The following DNAH2 variants were observed in gnomAD, a reference collection of about 807,000 sequenced individuals.
The protein encoded by DNAH2 is axonemal beta dynein heavy chain 2.
A neutral mutation model predicts 523.5 loss-of-function variants in DNAH2; 323 were observed. That is an observed-to-expected ratio of 0.62 (90% confidence interval 0.56 to 0.68). The LOEUF is 0.68. Among genes scored for constraint, DNAH2 ranks in the 30% least tolerant of loss-of-function variants. The pLI is 0.00. For missense variants in DNAH2, 4,907 were observed against 5,701.5 expected (o/e 0.86, Z 4.49); for synonymous variants, 2,093 against 2,177.4 (o/e 0.96, Z 1.08).
At chr17:7,758,236 T>C (rs2075898928) in intron 13 of DNAH2, among the ~76,000 whole-genome samples, 1 of 152,220 alleles carries the variant, frequency 6.6e-6, no homozygotes, top group Non-Finnish European at 1.5e-5. Flanking sequence ...GGGTGCTATA[T>C]TGGACAGCAC....
At chr17:7,810,770 C>A (rs753727121) in intron 63 of DNAH2, among the ~76,000 whole-genome samples, 236 of 152,354 alleles carry the variant, frequency 1.5e-3, no homozygotes, top group Non-Finnish European at 2.9e-3. Flanking sequence ...GAATCCCTGG[C>A]AGAGCCTAAG....
At chr17:7,830,247 G>C in intron 77 of DNAH2, 53 bp from the exon 78 acceptor site, 1 of 1,541,434 alleles carries the variant, frequency 6.5e-7, no homozygotes, top group Non-Finnish European at 8.8e-7. Context: ...AGTGCTAGTG[G>C]CAGGTCTGAG....
rs375186895 is a variant in DNAH2, at chr17:7,786,346, C to G, written c.6348+4C>G. ...CCCTAACTTCAACATTGTTAGAGTACGGGGCTGGGACAGTGGAGTCAGTGG... is the reference window on the plus strand; with the variant it reads ...CCCTAACTTCAACATTGTTAGAGTAGGGGGCTGGGACAGTGGAGTCAGTGG... On this transcript the variant is annotated splice_donor_region_variant and intron_variant, in intron 40 of 85. Transcript: ENST00000572933. The surrounding 1 kb of genome is among the most constrained non-coding windows in gnomAD (Gnocchi z 7.5). The G allele has an allele frequency of 6.2e-7, 1 of 1,610,430 alleles. No homozygotes were observed. Among genetic ancestry groups the G allele is most frequent in the South Asian group, 1.1e-5 (1 of 91,020 alleles).
intron 77 of DNAH2, among the ~76,000 whole-genome samples, chr17:7,827,193 CTT>C (rs1198803667): frequency 1.3e-5 from 2 of 151,880 alleles, no homozygotes; most frequent in East Asian, 3.8e-4. Flanking sequence ...TGGTTTGTCT[CTT>C]CTCTTTTATG....
intron 63 of DNAH2, 22 bp from the exon 64 acceptor site, chr17:7,816,549 G>C (rs200311475): frequency 1.2e-6 from 2 of 1,613,846 alleles, no homozygotes; most frequent in Non-Finnish European, 1.7e-6. Context: ...TGTTTGATGC[G>C]CTATACTCGA....
chr17:7,833,089 G>A lies in DNAH2; in HGVS notation c.12997G>A (p.Gly4333Ser), dbSNP rs1457179014. ...YPPKDGVWVR[G>S]LYLEGAGWDR... The stretch of plus-strand genomic sequence containing the variant: ...TCCCCAGGATGGTGTCTGGGTCCGG[G>A]GCCTGTACCTGGAAGGTGCTGGCTG... The change falls in exon 85 of 86, where the codon GGC (glycine) becomes AGC (serine). Residue 4333 changes from glycine to serine, a missense_variant. Gly to Ser is a moderately conservative substitution (Grantham distance 56). Around this residue, in one of 3 missense-constraint regions of DNAH2, gnomAD observed 1,851 missense variants for 2,139.4 expected, o/e 0.87. Coordinates refer to ENST00000572933, the MANE Select transcript of DNAH2 (RefSeq NM_020877.5). 3.1e-6 allele frequency: 5 copies of A among 1,613,388 alleles called. No individual in the cohort carries two copies. The Admixed American group carries it at 8.3e-5, about 27-fold the overall frequency.
At chr17:7,740,277 T>C (rs1365569944) in intron 9 of DNAH2, 143 bp from the exon 10 acceptor site, 5 of 1,270,740 alleles carry the variant, frequency 3.9e-6, no homozygotes, top group Non-Finnish European at 4.4e-6. Context: ...GAGGATTAAA[T>C]GGATTCATGT....
intron 77 of DNAH2, among the ~76,000 whole-genome samples, chr17:7,826,571 A>G (rs8071869): frequency 0.92 from 130,605 of 141,850 alleles, 60,706 homozygotes; most frequent in Non-Finnish European, 1. Flanking sequence ...ATGGAGCCTC[A>G]CTCTGTCGCC....
rs2077926914 is a variant in DNAH2, at chr17:7,823,571, C to T, written c.11272C>T (p.Pro3758Ser). ...ACTCATGAACTCCTTTGAGCAGTAC[C>T]CTCGTGACTGGCACCTGTGGTATAC... The part of the protein sequence containing the change: ...HGLMNSFEQY[P>S]RDWHLWYTNA... The change falls in exon 74 of 86, where the codon CCT (proline) becomes TCT (serine). Residue 3758 changes from proline to serine, a missense_variant. Around this residue, in one of 3 missense-constraint regions of DNAH2, gnomAD observed 1,851 missense variants for 2,139.4 expected, o/e 0.87. Coordinates refer to ENST00000572933, the MANE Select transcript of DNAH2 (RefSeq NM_020877.5). 6.2e-7 allele frequency: 1 copy of T among 1,614,000 alleles called. No homozygotes were observed. The highest frequency in any genetic ancestry group is 8.5e-7 in the Non-Finnish European group (1 of 1,180,036).
At chr17:7,813,209 ACGTGCTTATGC>A (rs1437264731) in intron 63 of DNAH2, among the ~76,000 whole-genome samples, 1 of 151,988 alleles carries the variant, frequency 6.6e-6, no homozygotes, top group African/African-American at 2.4e-5. Context: ...CAGTGTGAAG[ACGTGCTTATGC>A]CTGTATACGA....
chr17:7,739,695 A>G (rs760303177), intron 8 of DNAH2, 38 bp from the exon 9 acceptor site: 2 of 1,592,910 alleles, frequency 1.3e-6, no homozygotes, highest in South Asian at 2.2e-5. Flanking sequence ...TGGAGTTTGG[A>G]AGGAAAGCAG....
intron 39 of DNAH2, among the ~76,000 whole-genome samples, chr17:7,784,678 G>A (rs1597647876): frequency 6.6e-6 from 1 of 152,310 alleles, no homozygotes; most frequent in East Asian, 1.9e-4. Context: ...AATGTCAAAG[G>A]AAGATATTCA....
At chr17:7,743,991 T>A (rs950991157) in intron 12 of DNAH2, 5 of 152,198 alleles carry the variant, frequency 3.3e-5, no homozygotes, top group Admixed American at 2.0e-4. Context: ...GGCTGCTGCT[T>A]TCTAAGTCAA....
chr17:7,816,414 G>A (rs547796391), intron 63 of DNAH2, among the ~76,000 whole-genome samples, 157 bp from the exon 64 acceptor site: 31 of 152,294 alleles, frequency 2.0e-4, no homozygotes, highest in South Asian at 6.2e-4. Context: ...ACCCTATAGG[G>A]TAGGTATTCT....
In DNAH2 at chr17:7,781,186, T is replaced by C. The variant is rs199707888; in HGVS notation, c.6129+19T>C. On this transcript the variant is annotated intron_variant, in intron 39 of 85. Coordinates refer to ENST00000572933, the MANE Select transcript of DNAH2 (RefSeq NM_020877.5). ...TGGCAAGGTATTTGTTCCTTAATAC[T>C]CTCCCTGACCGGGTGCTGTGGCTCA... The C allele has an allele frequency of 1.7e-4, 277 of 1,614,008 alleles. 1 individual carries two copies. The highest frequency in any genetic ancestry group is 4.9e-4 in the Middle Eastern group (3 of 6,062).
At position 7,739,899 on chromosome 17, in the gene DNAH2, T is replaced by C; in HGVS notation, c.1337T>C (p.Leu446Pro). ...CTGCGAGCCGTTCGCGGGGGTATCCTGGATGTCAAGAACACCTGTTGGCAT... is the reference window on the plus strand; with the variant it reads ...CTGCGAGCCGTTCGCGGGGGTATCCCGGATGTCAAGAACACCTGTTGGCAT... Reference protein sequence around the residue: ...HTLRAVRGGILDVKNTCWHED... With the variant: ...HTLRAVRGGIPDVKNTCWHED... The change falls in exon 9 of 86, where the codon CTG (leucine) becomes CCG (proline). Residue 446 changes from leucine (L) to proline (P), a missense_variant. Leu to Pro is a moderately conservative substitution (Grantham distance 98, BLOSUM62 -3). Transcript: ENST00000572933. 1.2e-6 allele frequency: 2 copies of C among 1,614,016 alleles called. No homozygotes were observed. The highest frequency in any genetic ancestry group is 1.7e-6 in the Non-Finnish European group (2 of 1,179,952).
At chr17:7,747,783 A>AT (rs1395695354) in intron 12 of DNAH2, among the ~76,000 whole-genome samples, 2 of 152,172 alleles carry the variant, frequency 1.3e-5, no homozygotes, top group African/African-American at 2.4e-5. Context: ...GATACTTTAC[A>AT]TTTTTGTGGT....
intron 11 of DNAH2, among the ~76,000 whole-genome samples, chr17:7,742,607 T>C (rs1018027553): frequency 1.3e-5 from 2 of 152,288 alleles, no homozygotes; most frequent in Middle Eastern, 3.4e-3. Context: ...GGGCTGATAC[T>C]GGTTTTCAAC....
intron 39 of DNAH2, among the ~76,000 whole-genome samples, chr17:7,783,181 G>A (rs2076646721): frequency 6.6e-6 from 1 of 152,084 alleles, no homozygotes; most frequent in Admixed American, 6.6e-5. Context: ...AGGTTCAAGC[G>A]ATTCTCCTGC....
Sources: allele counts gnomAD v4.1 joint callset (sites outside exome capture counted in the v4.1 genomes callset), GRCh38; gene constraint gnomAD v4.1.1; regional missense constraint gnomAD v4.1.1; non-coding constraint Gnocchi (gnomAD v3.1); transcripts MANE v1.5; gene names NCBI Gene and HGNC (gene_info 2026-07-23, HGNC 2026-07-21).